Variants in ERC2 observed in about 807,000 individuals in gnomAD.
ERC2 encodes ERC protein 2.
ERC2 carries 42 observed loss-of-function variants against 114.8 expected under a neutral mutation model. The observed-to-expected ratio is 0.37, with a 90% CI of 0.29 to 0.47. ERC2 has a LOEUF of 0.47. Ranked by LOEUF, ERC2 falls within the 20% of genes least tolerant of loss-of-function variation. The pLI, the probability that ERC2 is intolerant of heterozygous loss-of-function variation, is 0.99. For missense variants in ERC2, 939 were observed against 1,150.7 expected (o/e 0.82, Z 2.66); for synonymous variants, 454 against 425.5 (o/e 1.07, Z -0.82).
At chr3:56,216,816 G>A (rs543498190) in intron 3 of ERC2, among the ~76,000 whole-genome samples, 47 of 152,288 alleles carry the variant, frequency 3.1e-4, no homozygotes, top group Admixed American at 1.7e-3. Context: ...CTTCATCCCT[G>A]GGATGCAAGG....
chr3:56,001,206 A>C (rs914875930), intron 10 of ERC2, among the ~76,000 whole-genome samples: 1 of 152,050 alleles, frequency 6.6e-6, no homozygotes, highest in African/African-American at 2.4e-5. Flanking sequence ...AACAACAAAA[A>C]GATGTCTAGG....
chr3:55,703,255 G>A (rs530643261), intron 15 of ERC2, among the ~76,000 whole-genome samples: 1 of 152,296 alleles, frequency 6.6e-6, no homozygotes, highest in East Asian at 1.9e-4. Context: ...TCTTTGACAT[G>A]CTTAGGCATC....
intron 13 of ERC2, among the ~76,000 whole-genome samples, chr3:55,902,868 G>A (rs1008822178): frequency 5.9e-5 from 9 of 152,296 alleles, no homozygotes; most frequent in Admixed American, 2.0e-4. Context: ...GGAGCCTGGC[G>A]GAGAGTGGGC....
chr3:55,995,723 A>G (rs1483846251), intron 10 of ERC2, among the ~76,000 whole-genome samples: 1 of 152,186 alleles, frequency 6.6e-6, no homozygotes, highest in Non-Finnish European at 1.5e-5. Context: ...AACCAGCTCT[A>G]TTCAGCCTGA....
intron 7 of ERC2, among the ~76,000 whole-genome samples, chr3:56,033,760 T>A (rs900722747): frequency 1.3e-5 from 2 of 152,206 alleles, no homozygotes; most frequent in African/African-American, 4.8e-5. Context: ...ATTTGAATCA[T>A]GTAATCATCC....
intron 14 of ERC2, among the ~76,000 whole-genome samples, chr3:55,833,925 C>A (rs1247619434): frequency 1.3e-5 from 2 of 151,586 alleles, no homozygotes; most frequent in Non-Finnish European, 2.9e-5. Context: ...ATCTACCAAG[C>A]AAATGGAAAA....
intron 14 of ERC2, among the ~76,000 whole-genome samples, chr3:55,754,719 A>T (rs1484060729): frequency 6.6e-6 from 1 of 151,798 alleles, no homozygotes; most frequent in Non-Finnish European, 1.5e-5. Context: ...AACTACAAAT[A>T]ACAGATGCTA....
At chr3:56,329,469 G>A (rs2057508637) in intron 2 of ERC2, among the ~76,000 whole-genome samples, 1 of 152,194 alleles carries the variant, frequency 6.6e-6, no homozygotes, top group Admixed American at 6.5e-5. Flanking sequence ...GGAATTGTGA[G>A]AAAGTCACCA....
At chr3:56,042,167 G>A (rs539497184) in intron 7 of ERC2, among the ~76,000 whole-genome samples, 17 of 152,240 alleles carry the variant, frequency 1.1e-4, no homozygotes, top group Non-Finnish European at 2.1e-4. Flanking sequence ...ACATTCCCAC[G>A]AGATGAAGGA....
intron 3 of ERC2, among the ~76,000 whole-genome samples, chr3:56,251,456 C>T (rs1056970241): frequency 3.9e-5 from 6 of 152,090 alleles, no homozygotes; most frequent in Admixed American, 6.6e-5. Flanking sequence ...TCTGCACTCT[C>T]CTGGTACACA....
At chr3:56,096,619 G>A (rs1339690111) in intron 6 of ERC2, among the ~76,000 whole-genome samples, 3 of 152,108 alleles carry the variant, frequency 2.0e-5, no homozygotes, top group Non-Finnish European at 2.9e-5. Flanking sequence ...TAAAAACTTC[G>A]AATCTCTGAG....
chr3:56,055,980 A>G (rs1576737393), intron 7 of ERC2, among the ~76,000 whole-genome samples: 1 of 152,350 alleles, frequency 6.6e-6, no homozygotes, highest in East Asian at 1.9e-4. Flanking sequence ...CAAAATTTAC[A>G]AAAACATAAA....
At chr3:56,208,198 AT>A (rs757644345) in intron 3 of ERC2, among the ~76,000 whole-genome samples, 6 of 152,184 alleles carry the variant, frequency 3.9e-5, no homozygotes, top group Non-Finnish European at 8.8e-5. Context: ...TAGAATTTCC[AT>A]GATTCATCCT....
intron 14 of ERC2, among the ~76,000 whole-genome samples, chr3:55,846,677 CTCTCTCTCTCTCTCTT>C (rs947297324): frequency 3.2e-5 from 4 of 125,412 alleles, no homozygotes; most frequent in Admixed American, 3.1e-4. Context: ...CATTCTCTCT[CTCTCTCTCTCTCTCTT>C]TCTCTCTCTC....
intron 3 of ERC2, among the ~76,000 whole-genome samples, chr3:56,230,834 C>A (rs929149807): frequency 1.3e-5 from 2 of 152,120 alleles, no homozygotes; most frequent in East Asian, 3.8e-4. Context: ...ATGTTCTTTG[C>A]CACTTCTCTC....
intron 3 of ERC2, among the ~76,000 whole-genome samples, chr3:56,207,602 C>T (rs969764399): frequency 1.3e-5 from 2 of 152,102 alleles, no homozygotes; most frequent in African/African-American, 4.8e-5. Context: ...TGATTCTTTA[C>T]TATCATTTAG....
intron 3 of ERC2, among the ~76,000 whole-genome samples, chr3:56,220,860 T>C (rs2049854659): frequency 6.6e-6 from 1 of 152,124 alleles, no homozygotes; most frequent in Admixed American, 6.5e-5. Flanking sequence ...ACTCTTAAGG[T>C]CGAGAATCCT....
At chr3:55,786,109 T>G (rs985565074) in intron 14 of ERC2, among the ~76,000 whole-genome samples, 4 of 152,226 alleles carry the variant, frequency 2.6e-5, no homozygotes, top group Non-Finnish European at 5.9e-5. Context: ...ATGTCACACA[T>G]AGCTTGCAAT....
intron 2 of ERC2, among the ~76,000 whole-genome samples, chr3:56,378,697 T>C (rs79480327): frequency 1.3e-5 from 2 of 152,252 alleles, no homozygotes; most frequent in Admixed American, 6.5e-5. Flanking sequence ...AAATCATTCA[T>C]ATGTCCCAAG....
Sources: allele counts gnomAD v4.1 joint callset (sites outside exome capture counted in the v4.1 genomes callset), GRCh38; gene constraint gnomAD v4.1.1; transcripts MANE v1.5; gene names NCBI Gene and HGNC (gene_info 2026-07-23, HGNC 2026-07-21).